Variants in KBTBD7 observed in about 807,000 individuals in gnomAD.
KBTBD7 encodes the protein kelch repeat and BTB domain-containing protein 7.
In KBTBD7, 25 loss-of-function variants were observed where a neutral mutation model predicts 50.3. The ratio of observed to expected loss-of-function variants is 0.50; its 90% CI spans 0.36 to 0.69. The LOEUF (loss-of-function observed/expected upper bound fraction) is 0.69, where lower values mean the gene tolerates loss of function less well. Ranked by LOEUF, KBTBD7 falls within the 30% of genes least tolerant of loss-of-function variation. The pLI, the probability that KBTBD7 is intolerant of heterozygous loss-of-function variation, is 0.00. For missense variants in KBTBD7, 653 were observed against 869.5 expected (o/e 0.75, Z 3.13); for synonymous variants, 305 against 325.3 (o/e 0.94, Z 0.67).
Position 41,192,635 on chromosome 13 carries a change from C to T in KBTBD7, c.1623G>A (p.Arg541=). Reference sequence around the variant, plus strand: ...TATTACTAATCCGCCTCCATTCTCCCCTAGCTGGGTTGTAGACCTTCATGA... The same window carrying T: ...TATTACTAATCCGCCTCCATTCTCCTCTAGCTGGGTTGTAGACCTTCATGA... ...IPVMKVYNPA[R]GEWRRISNIP... is the part of the protein sequence containing the mutation. Residue 541 remains arginine, a synonymous_variant, in exon 1 of 1, where the codon AGG becomes AGA. Coordinates refer to ENST00000379483, the MANE Select transcript of KBTBD7 (RefSeq NM_032138.7). 1 of 1,614,162 alleles carries T rather than the reference C, an allele frequency of 6.2e-7. No homozygotes were observed. The highest frequency in any genetic ancestry group is 8.5e-7 in the Non-Finnish European group (1 of 1,180,034).
chr13:41,194,323 A>G lies in KBTBD7; in HGVS notation c.-66T>C. ...AGGACCAGGCTCTGGCTCCTCCTCA[A>G]CCTTCCCTCGCTGACGCTAAGACAA... On this transcript the variant is annotated 5_prime_UTR_variant, in exon 1 of 1. Coordinates refer to ENST00000379483, the MANE Select transcript of KBTBD7 (RefSeq NM_032138.7). The G allele has an allele frequency of 6.4e-7, 1 of 1,558,120 alleles. No individual in the cohort carries two copies. Among genetic ancestry groups the G allele is most frequent in the Non-Finnish European group, 8.7e-7 (1 of 1,153,200 alleles).
At position 41,190,099 on chromosome 13, in the gene KBTBD7, T is replaced by C. The variant is rs2031349220; in HGVS notation, c.*2104A>G. The stretch of plus-strand genomic sequence containing the variant: ...ACCTTAATTCTGCAGATGGATAATC[T>C]GGTTGAGATAAGCATTGCCATCTCT... On this transcript the variant is annotated 3_prime_UTR_variant, in exon 1 of 1. Transcript: ENST00000379483. 1 of 152,232 alleles carries C rather than the reference T, an allele frequency of 6.6e-6. No individual in the cohort carries two copies. Among genetic ancestry groups the C allele is most frequent in the Admixed American group, 6.5e-5 (1 of 15,276 alleles). The allele number at this position is 152,232 out of a possible 1,614,324, so 9.4% of individuals were successfully genotyped here.
chr13:41,193,277 AAGAG>A lies in KBTBD7; in HGVS notation c.977_980del (p.Ser326LeufsTer20), dbSNP rs2031438398. ...GGGGTGGATTTTCTGCTGCAGATAC[AAGAG>A]AGTTGCTGCTGCTACTGCTGCTGCT... On this transcript the variant is annotated frameshift_variant, in exon 1 of 1. Transcript: ENST00000379483. LOFTEE classifies it high-confidence loss of function. The surrounding 1 kb of genome is among the most constrained non-coding windows in gnomAD (Gnocchi z 5.7). The A allele has an allele frequency of 6.2e-7, 1 of 1,612,588 alleles. No individual in the cohort carries two copies. The highest frequency in any genetic ancestry group is 8.5e-7 in the Non-Finnish European group (1 of 1,179,114).
Position 41,194,355 on chromosome 13 carries a change from T to G in KBTBD7, c.-98A>C. On this transcript the variant is annotated 5_prime_UTR_variant, in exon 1 of 1. Transcript: ENST00000379483. ...CTCGCTGACGCTAAGACAAGCCGCG[T>G]CCTGGAACAGACTGCGGCACGGGCC... 1 of 1,477,710 alleles carries G rather than the reference T, an allele frequency of 6.8e-7. No homozygotes were observed. Among genetic ancestry groups the G allele is most frequent in the Non-Finnish European group, 9.1e-7 (1 of 1,100,948 alleles). 91.5% of individuals were successfully genotyped at this position (1,477,710 alleles called of 1,614,324 possible).
In KBTBD7 at chr13:41,194,442, G is replaced by C. The variant is rs1251993761; in HGVS notation, c.-185C>G. Reference sequence around the variant, plus strand: ...TCCCTTTATTGCATAGACAGTGGCTGACTCACCCTCTCTCACTCCCGCGCC... The same window carrying C: ...TCCCTTTATTGCATAGACAGTGGCTCACTCACCCTCTCTCACTCCCGCGCC... On this transcript the variant is annotated 5_prime_UTR_variant, in exon 1 of 1. Coordinates refer to ENST00000379483, the MANE Select transcript of KBTBD7 (RefSeq NM_032138.7). 1.3e-6 allele frequency: 1 copy of C among 756,170 alleles called. No homozygotes were observed. Among genetic ancestry groups the C allele is most frequent in the Non-Finnish European group, 2.1e-6 (1 of 469,806 alleles). The allele number at this position is 756,170 out of a possible 1,614,324, so 46.8% of individuals were successfully genotyped here.
Position 41,192,249 on chromosome 13 carries a change from T to G in KBTBD7, c.2009A>C (p.Gln670Pro), listed in dbSNP as rs2031408143. 6.2e-7 allele frequency: 1 copy of G among 1,613,848 alleles called. No homozygotes were observed. The change falls in exon 1 of 1, where the codon CAA becomes CCA. Residue 670 changes from glutamine to proline, a missense_variant. Transcript: ENST00000379483. ...SSFSDDEVWV[Q>P]VAPQRNAQDQ... is the part of the protein sequence containing the mutation. ...CTGTGCATTTCGCTGAGGTGCTACTTGCACCCAGACTTCATCATCTGAAAA... is the reference window on the plus strand; with the variant it reads ...CTGTGCATTTCGCTGAGGTGCTACTGGCACCCAGACTTCATCATCTGAAAA...
Position 41,190,800 on chromosome 13 carries a change from A to G in KBTBD7, c.*1403T>C, listed in dbSNP as rs2031365344. The stretch of plus-strand genomic sequence containing the variant: ...ACAGAGAGACTGAAACATTGTTCAC[A>G]GAGAAACACAGAACATATACAAATC... On this transcript the variant is annotated 3_prime_UTR_variant, in exon 1 of 1. Transcript: ENST00000379483. 1 of 152,176 alleles carries G rather than the reference A, an allele frequency of 6.6e-6. No individual in the cohort carries two copies. Among genetic ancestry groups the G allele is most frequent in the African/African-American group, 2.4e-5 (1 of 41,458 alleles). 9.4% of individuals were successfully genotyped at this position (152,176 alleles called of 1,614,324 possible).
Position 41,194,025 on chromosome 13 carries a change from G to A in KBTBD7, c.233C>T (p.Thr78Met), listed in dbSNP as rs780941032. 5.0e-6 allele frequency: 8 copies of A among 1,614,234 alleles called. 1 individual carries two copies. The highest frequency in any genetic ancestry group is 5.9e-6 in the Non-Finnish European group (7 of 1,180,048). ...GCGATTGCAGGAAAAGAGGCGACCC[G>A]TGCCAGGCCCGCTGCCAGGCGTCAC... is the stretch of plus-strand genomic sequence containing the variant. ...EVVTPGSGPGTGRLFSCNRNV... is the reference protein window; with the variant it reads ...EVVTPGSGPGMGRLFSCNRNV... The change falls in exon 1 of 1, where the codon ACG (threonine) becomes ATG (methionine). Residue 78 changes from threonine (T) to methionine (M), a missense_variant. Physicochemically the swap from Thr to Met is moderately conservative, Grantham distance 81 (BLOSUM62 -1). Around this residue, in one of 3 missense-constraint regions of KBTBD7, gnomAD observed 119 missense variants for 125.0 expected, o/e 0.95. Coordinates refer to ENST00000379483, the MANE Select transcript of KBTBD7 (RefSeq NM_032138.7).
Position 41,194,559 on chromosome 13 carries a change from G to A in KBTBD7, c.-302C>T, listed in dbSNP as rs1382168851. ...CGCTGGCGATCCCGCTAGGCGCCCG[G>A]GAGAACTACTGCTCCCAGGTTGCCT... On this transcript the variant is annotated 5_prime_UTR_variant, in exon 1 of 1. Coordinates refer to ENST00000379483, the MANE Select transcript of KBTBD7 (RefSeq NM_032138.7). The A allele has an allele frequency of 2.1e-5, 10 of 468,130 alleles. No individual in the cohort carries two copies. Among genetic ancestry groups the A allele is most frequent in the Non-Finnish European group, 2.8e-5 (7 of 250,816 alleles). 29.0% of individuals were successfully genotyped at this position (468,130 alleles called of 1,614,324 possible).
rs1593480164 is a variant in KBTBD7, at chr13:41,194,457, A to C, written c.-200T>G. 9 of 673,582 alleles carry C rather than the reference A, an allele frequency of 1.3e-5. No homozygotes were observed. The highest frequency in any genetic ancestry group is 1.8e-5 in the African/African-American group (1 of 54,564). The allele number at this position is 673,582 out of a possible 1,614,324, so 41.7% of individuals were successfully genotyped here. ...GACAGTGGCTGACTCACCCTCTCTC[A>C]CTCCCGCGCCCTTTCTCCGCCTCCG... is the stretch of plus-strand genomic sequence containing the variant. On this transcript the variant is annotated 5_prime_UTR_variant, in exon 1 of 1. Coordinates refer to ENST00000379483, the MANE Select transcript of KBTBD7 (RefSeq NM_032138.7).
chr13:41,192,459 G>A lies in KBTBD7; in HGVS notation c.1799C>T (p.Thr600Ile). The A allele has an allele frequency of 6.2e-7, 1 of 1,614,158 alleles. No homozygotes were observed. The highest frequency in any genetic ancestry group is 8.5e-7 in the Non-Finnish European group (1 of 1,180,014). Residue 600 changes from threonine (T) to isoleucine (I), a missense_variant, in exon 1 of 1, where the codon ACC becomes ATC. Thr to Ile is a moderately conservative substitution (Grantham distance 89). Transcript: ENST00000379483. ...TREDQWINIGTMLGLLQFDSG... is the reference protein window; with the variant it reads ...TREDQWINIGIMLGLLQFDSG... The stretch of plus-strand genomic sequence containing the variant: ...GTCAAACTGCAAAAGGCCTAACATG[G>A]TACCTATATTAATCCACTGATCTTC...
At position 41,192,685 on chromosome 13, in the gene KBTBD7, T is replaced by C. The variant is rs1324146582; in HGVS notation, c.1573A>G (p.Ile525Val). 1 of 1,614,194 alleles carries C rather than the reference T, an allele frequency of 6.2e-7. No individual in the cohort carries two copies. The highest frequency in any genetic ancestry group is 1.7e-5 in the Admixed American group (1 of 60,022). ...FQEACVFNDE[I>V]YCICDIPVMK... ...ACTGGGATGTCACAGATACAATAGA[T>C]TTCATCATTGAAGACACATGCTTCC... The change falls in exon 1 of 1, where the codon ATC (isoleucine) becomes GTC (valine). Residue 525 changes from isoleucine to valine, a missense_variant. Ile to Val is a conservative substitution (Grantham distance 29, BLOSUM62 3). This residue lies in a region of KBTBD7 where 526 missense variants were observed against 717.1 expected (regional missense o/e 0.73). Coordinates refer to ENST00000379483, the MANE Select transcript of KBTBD7 (RefSeq NM_032138.7).
Position 41,192,507 on chromosome 13 carries a change from G to A in KBTBD7, c.1751C>T (p.Thr584Ile). The stretch of plus-strand genomic sequence containing the variant: ...TTCCCTAGTATCATACTCATACACT[G>A]TCACTCGGTTCTTTTTCCATTGTGG... ...TTPQWKKNRVTVYEYDTREDQ... is the reference protein window; with the variant it reads ...TTPQWKKNRVIVYEYDTREDQ... Residue 584 changes from threonine to isoleucine, a missense_variant, in exon 1 of 1, where the codon ACA (threonine) becomes ATA (isoleucine). Transcript: ENST00000379483. 1 of 1,614,174 alleles carries A rather than the reference G, an allele frequency of 6.2e-7. No individual in the cohort carries two copies. Among genetic ancestry groups the A allele is most frequent in the African/African-American group, 1.3e-5 (1 of 75,044 alleles).
Position 41,192,067 on chromosome 13 carries a change from TGTA to T in KBTBD7, c.*133_*135del. On this transcript the variant is annotated 3_prime_UTR_variant, in exon 1 of 1. Coordinates refer to ENST00000379483, the MANE Select transcript of KBTBD7 (RefSeq NM_032138.7). ...TCGATTTCATGGACTGTCTAAACCT[TGTA>T]GTATTTCAAAATATTACCCTTTCTA... The T allele has an allele frequency of 1.3e-6, 1 of 779,828 alleles. No homozygotes were observed. The allele number at this position is 779,828 out of a possible 1,614,324, so 48.3% of individuals were successfully genotyped here.
Position 41,194,538 on chromosome 13 carries a change from G to T in KBTBD7, c.-281C>A. On this transcript the variant is annotated 5_prime_UTR_variant, in exon 1 of 1. Transcript: ENST00000379483. Reference sequence around the variant, plus strand: ...CCGCGGAAGCCCCCACTGCCGCGCTGGCGATCCCGCTAGGCGCCCGGGAGA... The same window carrying T: ...CCGCGGAAGCCCCCACTGCCGCGCTTGCGATCCCGCTAGGCGCCCGGGAGA... 1 of 524,168 alleles carries T rather than the reference G, an allele frequency of 1.9e-6. No homozygotes were observed. Among genetic ancestry groups the T allele is most frequent in the Non-Finnish European group, 3.5e-6 (1 of 285,668 alleles). The allele number at this position is 524,168 out of a possible 1,614,324, so 32.5% of individuals were successfully genotyped here.
In KBTBD7 at chr13:41,194,413, G is replaced by C; in HGVS notation, c.-156C>G. On this transcript the variant is annotated 5_prime_UTR_variant, in exon 1 of 1. Transcript: ENST00000379483. ...TGAATTCAGCCCTATCCCGCGGTGA[G>C]GCCTCCCTTTATTGCATAGACAGTG... 1.0e-6 allele frequency: 1 copy of C among 986,076 alleles called. No homozygotes were observed. The highest frequency in any genetic ancestry group is 1.5e-6 in the Non-Finnish European group (1 of 675,116). 61.1% of individuals were successfully genotyped at this position (986,076 alleles called of 1,614,324 possible). A position where few individuals can be genotyped will look rare whatever the true frequency, so the allele number is the denominator to read the frequency against.
rs1167099415 is a variant in KBTBD7 at position 41,194,107 on chromosome 13, C to T, written c.151G>A (p.Ala51Thr). ...KDTAHSAALL[A>T]QLKSFYDARL... Reference sequence around the variant, plus strand: ...GCGTCGTAGAAGGACTTGAGCTGTGCCAGCAGGGCTGCAGAATGGGCCGTG... The same window carrying T: ...GCGTCGTAGAAGGACTTGAGCTGTGTCAGCAGGGCTGCAGAATGGGCCGTG... Residue 51 changes from alanine (A) to threonine (T), a missense_variant, in exon 1 of 1, where the codon GCA becomes ACA. Transcript: ENST00000379483. 1 of 1,614,204 alleles carries T rather than the reference C, an allele frequency of 6.2e-7. No homozygotes were observed. The highest frequency in any genetic ancestry group is 8.5e-7 in the Non-Finnish European group (1 of 1,180,044).
Position 41,193,633 on chromosome 13 carries a change from T to A in KBTBD7, c.625A>T (p.Ile209Phe), listed in dbSNP as rs1480504441. The part of the protein sequence containing the change: ...NFKQLSRMGS[I>F]REETLADLTL... ...AGATCTGCTAGAGTCTCCTCCCGAA[T>A]TGAACCCATTCGGCTGAGCTGCTTG... Residue 209 changes from isoleucine (I) to phenylalanine (F), a missense_variant, in exon 1 of 1, where the codon ATT becomes TTT. Coordinates refer to ENST00000379483, the MANE Select transcript of KBTBD7 (RefSeq NM_032138.7). This position sits in a 1 kb window ranked among gnomAD's most constrained non-coding sequence, Gnocchi z 5.7. The A allele has an allele frequency of 8.1e-6, 13 of 1,614,168 alleles. No homozygotes were observed. The highest frequency in any genetic ancestry group is 1.1e-5 in the Non-Finnish European group (13 of 1,180,042).
rs190649435 is a variant in KBTBD7 at position 41,191,188 on chromosome 13, T to C, written c.*1015A>G. 1 of 152,264 alleles carries C rather than the reference T, an allele frequency of 6.6e-6. No homozygotes were observed. The highest frequency in any genetic ancestry group is 1.5e-5 in the Non-Finnish European group (1 of 67,994). 9.4% of individuals were successfully genotyped at this position (152,264 alleles called of 1,614,324 possible). A position where few individuals can be genotyped will look rare whatever the true frequency, so the allele number is the denominator to read the frequency against. On this transcript the variant is annotated 3_prime_UTR_variant, in exon 1 of 1. Coordinates refer to ENST00000379483, the MANE Select transcript of KBTBD7 (RefSeq NM_032138.7). ...CAAAACAGTAAAGAATAAATCACTT[T>C]CTGTTGAAGAATCCTCTAGGACAAA... is the stretch of plus-strand genomic sequence containing the variant.
Sources: allele counts gnomAD v4.1 joint callset, GRCh38; gene constraint gnomAD v4.1.1; regional missense constraint gnomAD v4.1.1; non-coding constraint Gnocchi (gnomAD v3.1); transcripts MANE v1.5; gene names NCBI Gene and HGNC (gene_info 2026-07-23, HGNC 2026-07-21).